Variants in TENM3 observed in about 807,000 individuals in gnomAD.
TENM3 encodes the protein teneurin-3.
Under a neutral mutation model 255.1 loss-of-function variants are expected in TENM3, and 63 were observed. That is an observed-to-expected ratio of 0.25 (90% CI 0.20 to 0.30). The LOEUF (loss-of-function observed/expected upper bound fraction) is 0.30. TENM3 is among the 10% of genes least tolerant of loss of function. The pLI, the probability that TENM3 is intolerant of heterozygous loss-of-function variation, is 1.00. For missense variants in TENM3, 2,929 were observed against 3,461.1 expected, an observed-to-expected ratio of 0.85 and a Z score of 3.86; for synonymous variants, 1,306 against 1,322.3, an observed-to-expected ratio of 0.99 and a Z score of 0.27.
chr4:181,801,341 A>G, the TENM3 span, among the ~76,000 whole-genome samples: 1 of 152,140 alleles, frequency 6.6e-6, no homozygotes, highest in East Asian at 1.9e-4. Context: ...AGATGTGTGC[A>G]ATAGGAAAAG....
At chr4:181,825,326 G>A in the TENM3 span, among the ~76,000 whole-genome samples, 9 of 140,724 alleles carry the variant, frequency 6.4e-5, no homozygotes, top group South Asian at 1.4e-3. Context: ...ACTTGAACCC[G>A]GGAGGTGGAG....
chr4:182,765,044 G>A (rs183525671), intron 22 of TENM3, among the ~76,000 whole-genome samples: 11 of 152,164 alleles, frequency 7.2e-5, no homozygotes, highest in African/African-American at 9.6e-5. Context: ...ACGGAGATAC[G>A]GGGAAGAATT....
the TENM3 span, among the ~76,000 whole-genome samples, chr4:181,500,737 G>A: frequency 5.9e-5 from 9 of 152,032 alleles, no homozygotes; most frequent in African/African-American, 1.7e-4. Flanking sequence ...TCGATAATAC[G>A]AGGCAACTAC....
At chr4:181,934,200 T>C in the TENM3 span, among the ~76,000 whole-genome samples, 4 of 152,158 alleles carry the variant, frequency 2.6e-5, no homozygotes, top group Non-Finnish European at 5.9e-5. Flanking sequence ...AGTTGATTGC[T>C]TCTCGATTAG....
intron 3 of TENM3, among the ~76,000 whole-genome samples, chr4:182,372,171 C>CT (rs1766866613): frequency 6.6e-6 from 1 of 152,082 alleles, no homozygotes; most frequent in South Asian, 2.1e-4. Flanking sequence ...TAGTAGCCTA[C>CT]TTTTTTTCCT....
chr4:181,629,407 C>G, the TENM3 span, among the ~76,000 whole-genome samples: 1 of 152,132 alleles, frequency 6.6e-6, no homozygotes, highest in Non-Finnish European at 1.5e-5. Flanking sequence ...GCATCCCTGT[C>G]TTGTGCCAGT....
At chr4:182,365,753 A>C (rs1244483328) in intron 3 of TENM3, among the ~76,000 whole-genome samples, 1 of 152,234 alleles carries the variant, frequency 6.6e-6, no homozygotes, top group Non-Finnish European at 1.5e-5. Context: ...CTTAACTCAT[A>C]CGTTCAGAGA....
chr4:181,563,224 G>A, the TENM3 span, among the ~76,000 whole-genome samples: 1 of 152,118 alleles, frequency 6.6e-6, no homozygotes, highest in Non-Finnish European at 1.5e-5. Flanking sequence ...GGGCTGTAAG[G>A]AAGAAGCTGT....
the TENM3 span, among the ~76,000 whole-genome samples, chr4:181,592,372 T>TA: frequency 6.7e-6 from 1 of 148,260 alleles, no homozygotes; most frequent in Admixed American, 6.8e-5. Flanking sequence ...TGACTAAGTT[T>TA]AAAGAGGCTG....
intron 1 of TENM3, among the ~76,000 whole-genome samples, chr4:182,275,686 C>T (rs1223746560): frequency 1.3e-5 from 2 of 151,980 alleles, no homozygotes; most frequent in South Asian, 4.2e-4. Flanking sequence ...CCTGTGATTC[C>T]AGTGCTTTGG....
the TENM3 span, among the ~76,000 whole-genome samples, chr4:181,883,875 C>G: frequency 6.6e-6 from 1 of 152,268 alleles, no homozygotes; most frequent in East Asian, 1.9e-4. Flanking sequence ...TAAGATGGGT[C>G]TGGTTGCTGA....
chr4:181,580,974 C>G, the TENM3 span, among the ~76,000 whole-genome samples: 6 of 152,280 alleles, frequency 3.9e-5, no homozygotes, highest in East Asian at 3.9e-4. Context: ...GCCAAGTTGC[C>G]TTGTATTTTT....
chr4:181,605,480 GAGAA>G, the TENM3 span, among the ~76,000 whole-genome samples: 369 of 63,858 alleles, frequency 5.8e-3, no homozygotes, highest in Non-Finnish European at 6.6e-3. Context: ...GAGAGAAACA[GAGAA>G]AGAAAGAAAG....
At chr4:181,706,756 A>G in the TENM3 span, among the ~76,000 whole-genome samples, 1 of 152,194 alleles carries the variant, frequency 6.6e-6, no homozygotes, top group South Asian at 2.1e-4. Context: ...TCAACATCAC[A>G]GCTAAAACCT....
chr4:182,439,778 A>C (rs182125278), intron 3 of TENM3, among the ~76,000 whole-genome samples: 225 of 152,322 alleles, frequency 1.5e-3, no homozygotes, highest in African/African-American at 5.4e-3. Context: ...AGAAGTATTA[A>C]TCTGTAACAT....
the TENM3 span, among the ~76,000 whole-genome samples, chr4:181,921,781 A>C: frequency 6.6e-6 from 1 of 152,068 alleles, no homozygotes; most frequent in African/African-American, 2.4e-5. Flanking sequence ...GTTGAATAGG[A>C]GTGGTGAGAG....
the TENM3 span, among the ~76,000 whole-genome samples, chr4:181,858,538 A>C: frequency 6.6e-6 from 1 of 152,192 alleles, no homozygotes; most frequent in South Asian, 2.1e-4. Flanking sequence ...GACACAGAGA[A>C]GCATGTGATA....
chr4:182,555,165 T>G (rs1415674496), intron 3 of TENM3, among the ~76,000 whole-genome samples: 1 of 152,194 alleles, frequency 6.6e-6, no homozygotes, highest in Non-Finnish European at 1.5e-5. Context: ...ATAGAATTAG[T>G]CTATGACTGA....
At chr4:181,889,068 T>C in the TENM3 span, among the ~76,000 whole-genome samples, 1,033 of 152,192 alleles carry the variant, frequency 6.8e-3, 16 homozygotes, top group African/African-American at 0.024. Flanking sequence ...AGTTGACATA[T>C]TAAATCAACC....
Sources: gnomAD v4.1 joint callset for allele counts (sites outside exome capture counted in the v4.1 genomes callset) on GRCh38, gnomAD v4.1.1 for gene constraint, MANE v1.5 for transcripts, NCBI Gene and HGNC (gene_info 2026-07-23, HGNC 2026-07-21) for gene names.